Variants in WWOX observed in about 807,000 individuals in gnomAD.
The protein encoded by WWOX is WW domain-containing oxidoreductase.
WWOX carries 69 observed loss-of-function variants against 46.2 expected under a neutral mutation model. The ratio of observed to expected loss-of-function variants is 1.49; its 90% CI spans 1.23 to 1.82. The LOEUF (loss-of-function observed/expected upper bound fraction) is 1.82, where lower values mean the gene tolerates loss of function less well. Ranked by LOEUF, WWOX falls within the 40% of genes most tolerant of loss-of-function variation. WWOX has a pLI of 0.00. For synonymous variants in WWOX, 359 were observed against 202.6 expected, an observed-to-expected ratio of 1.77 and a Z score of -6.56; for missense variants, 919 against 542.6, an observed-to-expected ratio of 1.69 and a Z score of -6.89.
At chr16:78,624,804 C>G (rs1389257576) in intron 8 of WWOX, among the ~76,000 whole-genome samples, 1 of 152,220 alleles carries the variant, frequency 6.6e-6, no homozygotes, top group Non-Finnish European at 1.5e-5. Flanking sequence ...GTATTATTCC[C>G]TGTACGATTT....
In WWOX at chr16:78,691,258, T is replaced by G. The variant is rs2047981226; in HGVS notation, c.1056+258506T>G. 1.4e-5 allele frequency: 10 copies of G among 702,250 alleles called. No individual in the cohort carries two copies. The East Asian group carries it at 2.7e-4, about 19-fold the overall frequency. The allele number at this position is 702,250 out of a possible 1,614,324, so 43.5% of individuals were successfully genotyped here. A position where few individuals can be genotyped will look rare whatever the true frequency, so the allele number is the denominator to read the frequency against. ...TGATTCCAGGTTTCAGACTGCCTGG[T>G]AGAAGGAGGTCACTTCTGATTGTCA... On this transcript the variant is annotated intron_variant, in intron 8 of 8. Coordinates refer to ENST00000566780, the MANE Select transcript of WWOX (RefSeq NM_016373.4).
chr16:78,889,202 T>C (rs1202901317), intron 8 of WWOX, among the ~76,000 whole-genome samples: 1 of 152,174 alleles, frequency 6.6e-6, no homozygotes, highest in Non-Finnish European at 1.5e-5. Context: ...ATGACAGTCA[T>C]TTTCTGTTTC....
intron 8 of WWOX, among the ~76,000 whole-genome samples, chr16:78,703,582 A>G (rs1392305251): frequency 6.6e-6 from 1 of 151,922 alleles, no homozygotes; most frequent in Non-Finnish European, 1.5e-5. Context: ...TCTCACCACT[A>G]CACTTCATCC....
At chr16:78,912,739 G>C (rs1039973836) in intron 8 of WWOX, among the ~76,000 whole-genome samples, 1 of 151,920 alleles carries the variant, frequency 6.6e-6, no homozygotes, top group African/African-American at 2.4e-5. Flanking sequence ...TTAGGCAATG[G>C]TAAAATTGAT....
At chr16:78,356,360 A>T (rs967309384) in intron 5 of WWOX, among the ~76,000 whole-genome samples, 2 of 152,052 alleles carry the variant, frequency 1.3e-5, no homozygotes, top group African/African-American at 2.4e-5. Flanking sequence ...AGCACAACCT[A>T]TTTAAGTAGT....
rs547870122 is a variant in WWOX at position 78,527,704 on chromosome 16, A to G, written c.1056+94952A>G. Among the ~76,000 whole-genome samples, 91 of 80,202 alleles carry G rather than the reference A, an allele frequency of 1.1e-3. 1 individual carries two copies. Among genetic ancestry groups the G allele is most frequent in the African/African-American group, 2.7e-3 (74 of 27,456 alleles). The allele number at this position is 80,202 out of a possible 152,430, so 52.6% of individuals were successfully genotyped here. ...TTAATAATGTATGTTGTTACATTTA[A>G]TCTTTATGGTAGCCTCATGAACAGG... On this transcript the variant is annotated intron_variant, in intron 8 of 8. Coordinates refer to ENST00000566780, the MANE Select transcript of WWOX (RefSeq NM_016373.4).
At chr16:78,976,932 G>T (rs187227646) in intron 8 of WWOX, among the ~76,000 whole-genome samples, 52 of 152,268 alleles carry the variant, frequency 3.4e-4, no homozygotes, top group African/African-American at 1.2e-3. Flanking sequence ...CCATCAGAAA[G>T]GAAGTAACTG....
chr16:78,719,438 T>G (rs1001516948), intron 8 of WWOX, among the ~76,000 whole-genome samples: 1 of 152,208 alleles, frequency 6.6e-6, no homozygotes, highest in African/African-American at 2.4e-5. Flanking sequence ...CAATTTCGGG[T>G]GGACTGTCAC....
At chr16:78,769,557 ATTTATTTATTTAT>A (rs2050013587) in intron 8 of WWOX, among the ~76,000 whole-genome samples, 1 of 46,638 alleles carries the variant, frequency 2.1e-5, no homozygotes, top group Non-Finnish European at 4.0e-5. Flanking sequence ...TTATTTATTT[ATTTATTTATTTAT>A]TTATTTATTT....
intron 8 of WWOX, among the ~76,000 whole-genome samples, chr16:78,509,092 A>G (rs969235408): frequency 3.3e-5 from 5 of 152,210 alleles, no homozygotes; most frequent in Non-Finnish European, 7.3e-5. Flanking sequence ...GTGTGCAGTG[A>G]GGCCCTCCCT....
At chr16:78,667,020 A>C (rs1019700290) in intron 8 of WWOX, among the ~76,000 whole-genome samples, 2 of 152,192 alleles carry the variant, frequency 1.3e-5, no homozygotes, top group African/African-American at 4.8e-5. Flanking sequence ...CTAAAACCCA[A>C]CTGCTGGCTG....
In WWOX at chr16:78,413,863, T is replaced by C. The variant is rs562282419; in HGVS notation, c.606-11007T>C. Among the ~76,000 whole-genome samples the C allele has an allele frequency of 4.6e-5, 7 of 152,044 alleles. No homozygotes were observed. The South Asian group carries it at 1.5e-3, about 32-fold the overall frequency. ...TCTGGCTGGTGCAATGGCTTACCCC[T>C]GTAATCCCAGTACTTTGGGAGGCTG... is the stretch of plus-strand genomic sequence containing the variant. On this transcript the variant is annotated intron_variant, in intron 6 of 8. Transcript: ENST00000566780.
intron 8 of WWOX, among the ~76,000 whole-genome samples, chr16:78,501,193 C>CTCTTTTTTTTTTTTTTTTTTTTTTTTTT (rs1567609023): frequency 6.6e-5 from 6 of 90,932 alleles, no homozygotes; most frequent in Admixed American, 1.6e-4. Flanking sequence ...CTTTCTTTCT[C>CTCTTTTTTTTTTTTTTTTTTTTTTTTTT]TTTTTTTTTT....
intron 5 of WWOX, among the ~76,000 whole-genome samples, chr16:78,175,361 T>A (rs2151747475): frequency 6.6e-6 from 1 of 152,352 alleles, no homozygotes; most frequent in African/African-American, 2.4e-5. Context: ...AATTCTTTGA[T>A]AATTCTCCTT....
rs566243122 is a variant in WWOX, at chr16:79,066,474, A to G, written c.1057-145134A>G. On this transcript the variant is annotated intron_variant, in intron 8 of 8. Transcript: ENST00000566780. ...AGCTCAACATAGGATCTGTGGAAGG[A>G]AAGAAGGACAGAAGGAAGGAAGGGG... Among the ~76,000 whole-genome samples, 6 of 152,256 alleles carry G rather than the reference A, an allele frequency of 3.9e-5. No individual in the cohort carries two copies. The South Asian group carries it at 1.0e-3, about 26-fold the overall frequency.
chr16:78,705,634 G>A (rs1159882484), intron 8 of WWOX, among the ~76,000 whole-genome samples: 1 of 152,156 alleles, frequency 6.6e-6, no homozygotes, highest in Non-Finnish European at 1.5e-5. Flanking sequence ...GGGAAAAGCT[G>A]ATGTTGTAGC....
In WWOX at chr16:79,163,353, T is replaced by G. The variant is rs536133478; in HGVS notation, c.1057-48255T>G. ...AACTGGGGGGTCTTGAGGAAGCCCA[T>G]TAGTCTCCCTGAGCCTCAGTTTAGT... is the stretch of plus-strand genomic sequence containing the variant. On this transcript the variant is annotated intron_variant, in intron 8 of 8. Transcript: ENST00000566780. Among the ~76,000 whole-genome samples, 12 of 152,292 alleles carry G rather than the reference T, an allele frequency of 7.9e-5. No individual in the cohort carries two copies. In the South Asian group the frequency reaches 2.5e-3, roughly 32 times the overall value.
At chr16:78,994,871 A>G (rs994040120) in intron 8 of WWOX, among the ~76,000 whole-genome samples, 1 of 151,508 alleles carries the variant, frequency 6.6e-6, no homozygotes, top group South Asian at 2.1e-4. Context: ...CATTATTATA[A>G]TGTGAAAAAG....
At position 78,348,804 on chromosome 16, in the gene WWOX, C is replaced by CTA. The variant is rs1567515976; in HGVS notation, c.517-38053_517-38052dup. 3.3e-5 allele frequency among the ~76,000 whole-genome samples: 4 copies of CTA among 120,336 alleles called. 1 individual carries two copies. Among genetic ancestry groups the CTA allele is most frequent in the African/African-American group, 1.1e-4 (4 of 35,490 alleles). The allele number at this position is 120,336 out of a possible 152,430, so 78.9% of individuals were successfully genotyped here. On this transcript the variant is annotated intron_variant, in intron 5 of 8. Coordinates refer to ENST00000566780, the MANE Select transcript of WWOX (RefSeq NM_016373.4). ...GAAATTGGGAAGGAGGGTCAGGTAG[C>CTA]TATAAGCAAAATACAAGAGAAATAT...
Sources: gnomAD v4.1 joint callset for allele counts (sites outside exome capture counted in the v4.1 genomes callset) on GRCh38, gnomAD v4.1.1 for gene constraint, MANE v1.5 for transcripts, NCBI Gene and HGNC (gene_info 2026-07-23, HGNC 2026-07-21) for gene names.